The following TJP1 variants were observed in gnomAD, a reference collection of about 807,000 sequenced individuals.
TJP1 encodes tight junction protein 1.
Under a neutral mutation model 194.2 loss-of-function variants are expected in TJP1, and 43 were observed. That is an observed-to-expected ratio of 0.22 (90% CI 0.17 to 0.29). The LOEUF is 0.29. TJP1 is among the 10% of genes least tolerant of loss of function. The pLI is 1.00. For synonymous variants in TJP1, 801 were observed against 779.0 expected, an observed-to-expected ratio of 1.03 and a Z score of -0.47; for missense variants, 1,971 against 2,185.7, an observed-to-expected ratio of 0.90 and a Z score of 1.96.
At chr15:29,757,482 T>C (rs1304171950) in intron 8 of TJP1, among the ~76,000 whole-genome samples, 1 of 152,230 alleles carries the variant, frequency 6.6e-6, no homozygotes, top group East Asian at 1.9e-4. Flanking sequence ...TTTTTTACAC[T>C]AGCATTTTAC....
intron 2 of TJP1, among the ~76,000 whole-genome samples, chr15:29,937,372 G>A (rs1369478988): frequency 6.6e-6 from 1 of 151,752 alleles, no homozygotes; most frequent in African/African-American, 2.4e-5. Flanking sequence ...TTTAAACAAA[G>A]GAACTGAAAA....
At chr15:29,890,706 T>C (rs949022555) in intron 2 of TJP1, among the ~76,000 whole-genome samples, 13 of 152,272 alleles carry the variant, frequency 8.5e-5, no homozygotes, top group African/African-American at 3.1e-4. Flanking sequence ...GGCTATCCTC[T>C]AGTCCTTCAC....
At chr15:29,829,506 A>C (rs2050771715) in intron 2 of TJP1, among the ~76,000 whole-genome samples, 1 of 152,080 alleles carries the variant, frequency 6.6e-6, no homozygotes. Context: ...GCTCACCTTT[A>C]TGAAAGAACT....
intron 23 of TJP1, among the ~76,000 whole-genome samples, chr15:29,714,370 C>T (rs1168399108): frequency 6.6e-6 from 1 of 151,014 alleles, no homozygotes; most frequent in Non-Finnish European, 1.5e-5. Flanking sequence ...TCCAGAGTAG[C>T]TGGGACTACA....
intron 2 of TJP1, among the ~76,000 whole-genome samples, chr15:29,779,368 A>G (rs1228239356): frequency 2.0e-5 from 3 of 151,934 alleles, no homozygotes; most frequent in East Asian, 1.9e-4. Flanking sequence ...CTTACCCCCA[A>G]TCTTTCTCCC....
At chr15:29,744,345 C>T (rs923730717) in intron 8 of TJP1, among the ~76,000 whole-genome samples, 2 of 152,116 alleles carry the variant, frequency 1.3e-5, no homozygotes, top group African/African-American at 4.8e-5. Context: ...AGGTCATACA[C>T]TATAATTCCA....
chr15:29,956,432 A>T, intron 1 of TJP1: 1 of 1,230,940 alleles, frequency 8.1e-7, no homozygotes, highest in Non-Finnish European at 1.0e-6. Flanking sequence ...AGTTTGAGGT[A>T]AGCATTTACT....
intron 10 of TJP1, among the ~76,000 whole-genome samples, chr15:29,737,744 T>A (rs2044132300): frequency 6.6e-6 from 1 of 152,172 alleles, no homozygotes; most frequent in Non-Finnish European, 1.5e-5. Flanking sequence ...ATCTTCCATT[T>A]TTTCCACCCC....
chr15:29,786,733 C>T (rs1040485442), intron 2 of TJP1, among the ~76,000 whole-genome samples: 1 of 152,152 alleles, frequency 6.6e-6, no homozygotes, highest in Non-Finnish European at 1.5e-5. Flanking sequence ...AACTCCTGGC[C>T]TAGAGTGATG....
chr15:29,746,595 A>G (rs1227754461), intron 8 of TJP1, among the ~76,000 whole-genome samples: 1 of 152,136 alleles, frequency 6.6e-6, no homozygotes, highest in Non-Finnish European at 1.5e-5. Context: ...AATAGTAGCC[A>G]AGAGGAATTT....
chr15:29,828,590 T>C (rs2050743055), intron 2 of TJP1, among the ~76,000 whole-genome samples: 1 of 152,190 alleles, frequency 6.6e-6, no homozygotes, highest in African/African-American at 2.4e-5. Context: ...TATGAACACT[T>C]GATAATATTA....
chr15:29,785,605 T>C (rs1211801312), intron 2 of TJP1, among the ~76,000 whole-genome samples: 1 of 152,276 alleles, frequency 6.6e-6, no homozygotes, highest in Non-Finnish European at 1.5e-5. Flanking sequence ...TACTTAAGGA[T>C]TCCACTTGTT....
intron 2 of TJP1, among the ~76,000 whole-genome samples, chr15:29,775,066 T>C (rs2151665370): frequency 6.6e-6 from 1 of 152,334 alleles, no homozygotes; most frequent in Non-Finnish European, 1.5e-5. Context: ...GCCATCCTGC[T>C]ACGTCCCATC....
chr15:29,837,249 GTTTC>G (rs1488741207), intron 2 of TJP1, among the ~76,000 whole-genome samples: 1 of 152,156 alleles, frequency 6.6e-6, no homozygotes, highest in African/African-American at 2.4e-5. Context: ...ACTTTTAAAT[GTTTC>G]TTTCTGTTCT....
At chr15:29,709,460 T>C (rs2042107778) in intron 24 of TJP1, among the ~76,000 whole-genome samples, 1 of 152,218 alleles carries the variant, frequency 6.6e-6, no homozygotes, top group South Asian at 2.1e-4. Flanking sequence ...GGTTAAAAAG[T>C]GGAACCACAG....
At chr15:29,851,820 T>C (rs975928352) in intron 2 of TJP1, among the ~76,000 whole-genome samples, 5 of 152,228 alleles carry the variant, frequency 3.3e-5, no homozygotes, top group Admixed American at 2.6e-4. Flanking sequence ...GCATCTGCCT[T>C]CTACCTATAT....
chr15:29,935,878 C>A (rs1038860171), intron 2 of TJP1, among the ~76,000 whole-genome samples: 1 of 152,156 alleles, frequency 6.6e-6, no homozygotes, highest in African/African-American at 2.4e-5. Context: ...CTGCCACCCC[C>A]AGGCAGATGT....
intron 11 of TJP1, among the ~76,000 whole-genome samples, chr15:29,735,769 C>A (rs976367692): frequency 2.6e-5 from 4 of 151,980 alleles, no homozygotes; most frequent in Non-Finnish European, 5.9e-5. Context: ...ATGTAAACAT[C>A]ATCAGAAAGA....
chr15:29,707,373 G>A (rs2041962827), intron 25 of TJP1, among the ~76,000 whole-genome samples: 1 of 152,196 alleles, frequency 6.6e-6, no homozygotes, highest in African/African-American at 2.4e-5. Flanking sequence ...CGGAGTGCCA[G>A]GGACGACATC....
Sources: gnomAD v4.1 joint callset for allele counts (sites outside exome capture counted in the v4.1 genomes callset) on GRCh38, gnomAD v4.1.1 for gene constraint, MANE v1.5 for transcripts, NCBI Gene and HGNC (gene_info 2026-07-23, HGNC 2026-07-21) for gene names.